The following GRIK4 variants were observed in gnomAD, a reference collection of about 807,000 sequenced individuals.
The protein encoded by GRIK4 is glutamate receptor ionotropic, kainate 4.
In GRIK4, 40 loss-of-function variants were observed where a neutral mutation model predicts 104.9. The observed-to-expected ratio is 0.38, with a 90% CI of 0.30 to 0.50. The LOEUF (loss-of-function observed/expected upper bound fraction) is 0.50. GRIK4 is among the 20% of genes least tolerant of loss of function. The pLI is 0.93. For missense variants in GRIK4, 1,047 were observed against 1,308.1 expected (o/e 0.80, Z 3.08); for synonymous variants, 485 against 524.9 (o/e 0.92, Z 1.04).
chr11:120,777,453 G>T (rs994576302), intron 3 of GRIK4, among the ~76,000 whole-genome samples: 1 of 152,348 alleles, frequency 6.6e-6, no homozygotes, highest in East Asian at 1.9e-4. Flanking sequence ...CGCTCCAGCC[G>T]CCATTCATGT....
At chr11:120,630,663 A>G (rs768710226) in intron 1 of GRIK4, among the ~76,000 whole-genome samples, 11 of 152,244 alleles carry the variant, frequency 7.2e-5, no homozygotes, top group Non-Finnish European at 1.6e-4. Flanking sequence ...CCATAAATCC[A>G]TATTGTTTTG....
chr11:120,892,450 C>T (rs1454561622), intron 11 of GRIK4, among the ~76,000 whole-genome samples: 1 of 152,104 alleles, frequency 6.6e-6, no homozygotes, highest in Non-Finnish European at 1.5e-5. Flanking sequence ...TAGTCCCAGG[C>T]AAGATCAGTG....
intron 13 of GRIK4, among the ~76,000 whole-genome samples, chr11:120,934,147 G>A (rs1386847238): frequency 6.8e-6 from 1 of 147,578 alleles, no homozygotes; most frequent in African/African-American, 2.6e-5. Flanking sequence ...GGAGGTTGCA[G>A]TGAGCCGAGA....
intron 1 of GRIK4, among the ~76,000 whole-genome samples, chr11:120,651,389 TATC>T (rs1212520255): frequency 6.6e-6 from 1 of 152,186 alleles, no homozygotes; most frequent in Non-Finnish European, 1.5e-5. Flanking sequence ...AGGGATGTCT[TATC>T]ATGTCTCTGG....
intron 3 of GRIK4, among the ~76,000 whole-genome samples, chr11:120,723,888 G>C (rs1016873068): frequency 7.9e-5 from 12 of 152,056 alleles, no homozygotes; most frequent in Admixed American, 3.9e-4. Flanking sequence ...ACGAATGCAT[G>C]CAAGCATGTA....
At chr11:120,890,184 T>A (rs904622769) in intron 11 of GRIK4, among the ~76,000 whole-genome samples, 4 of 152,180 alleles carry the variant, frequency 2.6e-5, no homozygotes, top group African/African-American at 9.7e-5. Flanking sequence ...TCACGTACAT[T>A]ATCTCAGTTG....
chr11:120,894,613 G>C (rs1472749683), intron 11 of GRIK4: 1 of 152,314 alleles, frequency 6.6e-6, no homozygotes, highest in Non-Finnish European at 1.5e-5. Flanking sequence ...AGAAAGTATA[G>C]AGGGAGCCAA....
chr11:120,891,646 G>T (rs1051169054), intron 11 of GRIK4, among the ~76,000 whole-genome samples: 1 of 152,158 alleles, frequency 6.6e-6, no homozygotes, highest in African/African-American at 2.4e-5. Flanking sequence ...AGGCTCTAGG[G>T]ATAAAAGGGC....
rs576117810 is a variant in GRIK4 at position 120,750,864 on chromosome 11, C to A, written c.83-51829C>A. 1.1e-4 allele frequency among the ~76,000 whole-genome samples: 16 copies of A among 152,300 alleles called. No homozygotes were observed. The South Asian group carries it at 3.3e-3, about 32-fold the overall frequency. On this transcript the variant is annotated intron_variant, in intron 3 of 20. Transcript: ENST00000527524. ...CCAAATCAGAAAGTAGGCATTGTTA[C>A]CCTCATCACAGATGAGGAAGTGAAA...
At chr11:120,975,765 G>A (rs1299909961) in intron 19 of GRIK4, among the ~76,000 whole-genome samples, 1 of 152,158 alleles carries the variant, frequency 6.6e-6, no homozygotes. Context: ...CCTGCAGCAT[G>A]AGTGGATGCC....
chr11:120,594,683 C>G (rs1948777726), intron 1 of GRIK4, among the ~76,000 whole-genome samples: 1 of 152,114 alleles, frequency 6.6e-6, no homozygotes, highest in South Asian at 2.1e-4. Flanking sequence ...ATATAGGGTA[C>G]TTTTCTTCCA....
chr11:120,949,054 A>C (rs989619992), intron 14 of GRIK4, among the ~76,000 whole-genome samples: 3 of 152,188 alleles, frequency 2.0e-5, no homozygotes, highest in Admixed American at 6.5e-5. Flanking sequence ...TGTCCCCATG[A>C]ATCTGGCTTC....
chr11:120,591,104 C>G (rs1948727440), intron 1 of GRIK4, among the ~76,000 whole-genome samples: 1 of 152,070 alleles, frequency 6.6e-6, no homozygotes, highest in South Asian at 2.1e-4. Flanking sequence ...ACTGCGCGAT[C>G]CAGCCACATG....
rs1233423500 is a variant in GRIK4, at chr11:120,874,137, A to G, written c.978A>G (p.Gln326=). 24 of 1,613,898 alleles carry G rather than the reference A, an allele frequency of 1.5e-5. No individual in the cohort carries two copies. The highest frequency in any genetic ancestry group is 1.8e-5 in the Non-Finnish European group (21 of 1,179,966). ...CGGTGCAGGAACTGAACCGGAGCCA[A>G]GAGATCGGCGTGAAGCCCTTGTCCT... ...VTAVQELNRS[Q]EIGVKPLSCG... is the part of the protein sequence containing the mutation. Residue 326 remains glutamine, a synonymous_variant, in exon 10 of 21, where the codon CAA becomes CAG. Transcript: ENST00000527524.
intron 1 of GRIK4, among the ~76,000 whole-genome samples, chr11:120,570,308 C>T (rs561694880): frequency 2.0e-5 from 3 of 152,172 alleles, no homozygotes; most frequent in African/African-American, 7.2e-5. Flanking sequence ...TCTGTCCCAC[C>T]CTTCCTGTCC....
intron 18 of GRIK4, among the ~76,000 whole-genome samples, chr11:120,964,973 G>A (rs1353859432): frequency 6.6e-6 from 1 of 152,212 alleles, no homozygotes; most frequent in Non-Finnish European, 1.5e-5. Context: ...AGGTGGGAAG[G>A]TCTACTCTGA....
intron 1 of GRIK4, among the ~76,000 whole-genome samples, chr11:120,617,062 C>T (rs749575377): frequency 8.5e-5 from 13 of 152,164 alleles, no homozygotes; most frequent in Non-Finnish European, 1.5e-4. Flanking sequence ...GGAACCTTCT[C>T]GGGAGCCCCG....
intron 12 of GRIK4, among the ~76,000 whole-genome samples, chr11:120,904,951 T>C (rs1942832717): frequency 6.6e-6 from 1 of 152,096 alleles, no homozygotes; most frequent in African/African-American, 2.4e-5. Flanking sequence ...TGCCCAGCCA[T>C]TGGTCTGCCT....
intron 1 of GRIK4, among the ~76,000 whole-genome samples, chr11:120,610,637 A>G (rs889392516): frequency 6.6e-6 from 1 of 152,176 alleles, no homozygotes; most frequent in African/African-American, 2.4e-5. Context: ...CAGGAGTGGC[A>G]TGCCCAGAAG....
Sources: allele counts gnomAD v4.1 joint callset (sites outside exome capture counted in the v4.1 genomes callset), GRCh38; gene constraint gnomAD v4.1.1; transcripts MANE v1.5; gene names NCBI Gene and HGNC (gene_info 2026-07-23, HGNC 2026-07-21).